The following TRAF3IP1 variants were observed in gnomAD, a reference collection of about 807,000 sequenced individuals.
TRAF3IP1 encodes intraflagellar transport 54.
A neutral mutation model predicts 89.9 loss-of-function variants in TRAF3IP1; 53 were observed. That is an observed-to-expected ratio of 0.59 (90% CI 0.47 to 0.74). The LOEUF is 0.74. Ranked by LOEUF, TRAF3IP1 falls within the 30% of genes least tolerant of loss-of-function variation. The pLI is 0.00. For synonymous variants in TRAF3IP1, 311 were observed against 322.1 expected, an observed-to-expected ratio of 0.97 and a Z score of 0.37; for missense variants, 806 against 866.1, an observed-to-expected ratio of 0.93 and a Z score of 0.87.
intron 12 of TRAF3IP1, among the ~76,000 whole-genome samples, chr2:238,350,620 G>A (rs1231786183): frequency 6.6e-6 from 1 of 152,068 alleles, no homozygotes; most frequent in African/African-American, 2.4e-5. Flanking sequence ...TGAAGGGGAG[G>A]GGTTAGGGCA....
intron 15 of TRAF3IP1, among the ~76,000 whole-genome samples, chr2:238,392,828 A>G (rs1307056523): frequency 6.6e-6 from 1 of 152,148 alleles, no homozygotes; most frequent in Non-Finnish European, 1.5e-5. Flanking sequence ...TGCCTGCCTC[A>G]GCCTCCCAAA....
chr2:238,354,689 C>A (rs1009070903), intron 14 of TRAF3IP1, among the ~76,000 whole-genome samples: 1 of 152,054 alleles, frequency 6.6e-6, no homozygotes, highest in Admixed American at 6.6e-5. Flanking sequence ...CTCGCCCTGT[C>A]GCCCAGGCTG....
At chr2:238,374,911 T>C (rs540261098) in intron 15 of TRAF3IP1, among the ~76,000 whole-genome samples, 3 of 152,334 alleles carry the variant, frequency 2.0e-5, no homozygotes, top group Non-Finnish European at 4.4e-5. Context: ...TCTAGTTTAT[T>C]TGTGTAGAGG....
At chr2:238,346,861 G>T (rs1337131268) in intron 9 of TRAF3IP1, among the ~76,000 whole-genome samples, 1 of 152,222 alleles carries the variant, frequency 6.6e-6, no homozygotes, top group Non-Finnish European at 1.5e-5. Flanking sequence ...CACCCCTGTG[G>T]TGCCACTGCT....
chr2:238,324,703 A>C (rs1024021747), intron 1 of TRAF3IP1, among the ~76,000 whole-genome samples: 1 of 151,996 alleles, frequency 6.6e-6, no homozygotes, highest in Middle Eastern at 3.4e-3. Flanking sequence ...TTCCTGCTTC[A>C]AGTGATTCTC....
At position 238,332,888 on chromosome 2, in the gene TRAF3IP1, A is replaced by G. The variant is rs1698198886; in HGVS notation, c.980A>G (p.Glu327Gly). ...SDGTFKDSKA[E>G]TETEISTRAS... is the part of the protein sequence containing the mutation. ...GGAACTTTTAAAGACTCCAAGGCTG[A>G]AACAGAGGTAAACTTTAAAAAATAA... is the stretch of plus-strand genomic sequence containing the variant. Residue 327 changes from glutamate to glycine, a missense_variant, in exon 6 of 17, where the codon GAA becomes GGA. Glu to Gly is a moderately conservative substitution (Grantham distance 98). Coordinates refer to ENST00000373327, the MANE Select transcript of TRAF3IP1 (RefSeq NM_015650.4). 6.2e-7 allele frequency: 1 copy of G among 1,609,550 alleles called. No homozygotes were observed.
Position 238,345,198 on chromosome 2 carries a change from T to C in TRAF3IP1, c.1261+600T>C, listed in dbSNP as rs956748377. Among the ~76,000 whole-genome samples the C allele has an allele frequency of 6.6e-6, 1 of 152,100 alleles. No homozygotes were observed. Among genetic ancestry groups the C allele is most frequent in the African/African-American group, 2.4e-5 (1 of 41,416 alleles). On this transcript the variant is annotated intron_variant, in intron 9 of 16. Coordinates refer to ENST00000373327, the MANE Select transcript of TRAF3IP1 (RefSeq NM_015650.4). The surrounding 1 kb of genome is among the most constrained non-coding windows in gnomAD (Gnocchi z 4.7). ...GTGGCCAGGGGAGGGCTGATGTTTG[T>C]TGATTTGTTCAAACAGAAAATTATC...
intron 10 of TRAF3IP1, among the ~76,000 whole-genome samples, chr2:238,348,225 T>C (rs1217996858): frequency 6.6e-6 from 1 of 151,896 alleles, no homozygotes; most frequent in Admixed American, 6.6e-5. Flanking sequence ...GAACAAAAAT[T>C]AAAAGCACTG....
At position 238,332,857 on chromosome 2, in the gene TRAF3IP1, T is replaced by C. The variant is rs145353855; in HGVS notation, c.949T>C (p.Ser317Pro). ...ASSGEMSKKL[S>P]DGTFKDSKAE... ...CTCAGGGGAGATGTCTAAAAAGTTA[T>C]CAGATGGAACTTTTAAAGACTCCAA... The change falls in exon 6 of 17, where the codon TCA becomes CCA. Residue 317 changes from serine to proline, a missense_variant. By Grantham distance (74) the Ser-to-Pro change is moderately conservative (BLOSUM62 -1). Around this residue, in one of 3 missense-constraint regions of TRAF3IP1, gnomAD observed 732 missense variants for 780.5 expected, o/e 0.94. Transcript: ENST00000373327. 15 of 1,613,178 alleles carry C rather than the reference T, an allele frequency of 9.3e-6. No homozygotes were observed. The highest frequency in any genetic ancestry group is 1.7e-5 in the Admixed American group (1 of 59,964).
chr2:238,355,913 C>A (rs1011557628), intron 14 of TRAF3IP1, 91 bp from the exon 15 acceptor site: 1 of 873,452 alleles, frequency 1.1e-6, no homozygotes, highest in Non-Finnish European at 1.9e-6. Flanking sequence ...AGGATAAAAA[C>A]TTAGTGTTTT....
At chr2:238,336,130 CT>C (rs1255883316) in intron 7 of TRAF3IP1, among the ~76,000 whole-genome samples, 1 of 152,130 alleles carries the variant, frequency 6.6e-6, no homozygotes, top group Non-Finnish European at 1.5e-5. Context: ...TCTGTTGATT[CT>C]TTTGGCTTTC....
chr2:238,392,280 TA>T (rs968238918), intron 15 of TRAF3IP1, among the ~76,000 whole-genome samples: 2 of 152,182 alleles, frequency 1.3e-5, no homozygotes, highest in African/African-American at 4.8e-5. Context: ...GATAACATCT[TA>T]CAGAACCATA....
At chr2:238,384,985 T>A (rs1288689099) in intron 15 of TRAF3IP1, among the ~76,000 whole-genome samples, 2 of 152,154 alleles carry the variant, frequency 1.3e-5, no homozygotes, top group East Asian at 3.8e-4. Context: ...GTTAAGAAAT[T>A]CAAGTCAGTT....
At chr2:238,371,599 G>T (rs937660617) in intron 15 of TRAF3IP1, among the ~76,000 whole-genome samples, 1 of 152,238 alleles carries the variant, frequency 6.6e-6, no homozygotes, top group African/African-American at 2.4e-5. Flanking sequence ...AAGCCTGAGT[G>T]TGGGCCTGGG....
At chr2:238,368,488 A>G (rs1574949497) in intron 15 of TRAF3IP1, among the ~76,000 whole-genome samples, 1 of 152,156 alleles carries the variant, frequency 6.6e-6, no homozygotes, top group Non-Finnish European at 1.5e-5. Flanking sequence ...TTAAACTAAT[A>G]AAGCCTCTTG....
intron 6 of TRAF3IP1, 135 bp downstream of exon 6, chr2:238,333,030 T>C: frequency 1.6e-6 from 1 of 644,344 alleles, no homozygotes. Flanking sequence ...AGGTCCATTT[T>C]ATTTGGTTGT....
intron 15 of TRAF3IP1, among the ~76,000 whole-genome samples, chr2:238,393,437 T>C (rs1701076503): frequency 1.3e-5 from 2 of 152,240 alleles, no homozygotes; most frequent in South Asian, 2.1e-4. Context: ...ATAAGTCCTT[T>C]ATTGGATGTG....
In TRAF3IP1 at chr2:238,351,834, GGTGTGTGTGTGT is replaced by G. The variant is rs10527993; in HGVS notation, c.1452-971_1452-960del. Among the ~76,000 whole-genome samples the G allele has an allele frequency of 1.4e-4, 20 of 140,964 alleles. No individual in the cohort carries two copies. The highest frequency in any genetic ancestry group is 3.2e-4 in the African/African-American group (12 of 38,024). 92.5% of individuals were successfully genotyped at this position (140,964 alleles called of 152,430 possible). A position where few individuals can be genotyped will look rare whatever the true frequency, so the allele number is the denominator to read the frequency against. On this transcript the variant is annotated intron_variant, in intron 12 of 16. Coordinates refer to ENST00000373327, the MANE Select transcript of TRAF3IP1 (RefSeq NM_015650.4). The surrounding 1 kb of genome is among the most constrained non-coding windows in gnomAD (Gnocchi z 5.2). Reference sequence around the variant, plus strand: ...TGGCACTGAAGCAAGGGAGGATTTTGGTGTGTGTGTGTGTGTGTGTGTGTGTGTGTGTGCGCG... The same window carrying G: ...TGGCACTGAAGCAAGGGAGGATTTTGGTGTGTGTGTGTGTGTGTGTGCGCG...
At chr2:238,366,535 T>C (rs776780991) in intron 15 of TRAF3IP1, among the ~76,000 whole-genome samples, 3 of 152,194 alleles carry the variant, frequency 2.0e-5, no homozygotes, top group Non-Finnish European at 4.4e-5. Flanking sequence ...CAAATTGATA[T>C]GCCCATTATC....
Sources: allele counts gnomAD v4.1 joint callset (sites outside exome capture counted in the v4.1 genomes callset), GRCh38; gene constraint gnomAD v4.1.1; regional missense constraint gnomAD v4.1.1; non-coding constraint Gnocchi (gnomAD v3.1); transcripts MANE v1.5; gene names NCBI Gene and HGNC (gene_info 2026-07-23, HGNC 2026-07-21).